Variants in CMIP observed in about 807,000 individuals in gnomAD.
CMIP encodes C-Maf-inducing protein.
CMIP carries 13 observed loss-of-function variants against 97.3 expected under a neutral mutation model. The observed-to-expected ratio is 0.13, with a 90% CI of 0.09 to 0.21. CMIP has a LOEUF of 0.21. Ranked by LOEUF, CMIP falls within the 10% of genes least tolerant of loss-of-function variation. The probability of loss-of-function intolerance (pLI) is 1.00; values close to 1 mark genes in which losing one functional copy is unlikely to be tolerated. For synonymous variants in CMIP, 538 were observed against 436.3 expected (o/e 1.23, Z -2.91); for missense variants, 847 against 1,024.9 (o/e 0.83, Z 2.37).
At chr16:81,610,374 C>A (rs1000704831) in intron 2 of CMIP, 1 of 985,474 alleles carries the variant, frequency 1.0e-6, no homozygotes, top group Non-Finnish European at 1.2e-6. Context: ...CTCACTGCCC[C>A]CTGATCCCGT....
Position 81,445,311 on chromosome 16 carries a change from G to C in CMIP, c.70G>C (p.Gly24Arg), listed in dbSNP as rs915880362. 4 of 1,572,700 alleles carry C rather than the reference G, an allele frequency of 2.5e-6. No homozygotes were observed. The highest frequency in any genetic ancestry group is 1.9e-5 in the Admixed American group (1 of 53,426). The change falls in exon 1 of 21, where the codon GGG becomes CGG. Residue 24 changes from glycine (G) to arginine (R), a missense_variant. By Grantham distance (125) the Gly-to-Arg change is moderately radical. Coordinates refer to ENST00000537098, the MANE Select transcript of CMIP (RefSeq NM_198390.3). ...GATCGAGGAGACCAAGCCGCTGCTG[G>C]GGGGCGACGTGTCGGCCCCCGAAGG... is the stretch of plus-strand genomic sequence containing the variant. The part of the protein sequence containing the change: ...RQIEETKPLL[G>R]GDVSAPEGTK...
chr16:81,491,209 AT>A (rs2089400546), intron 1 of CMIP, among the ~76,000 whole-genome samples: 1 of 152,016 alleles, frequency 6.6e-6, no homozygotes. Context: ...AGCTCCAGAG[AT>A]GTCTAGGGGG....
chr16:81,558,023 C>A (rs990557142), intron 1 of CMIP, among the ~76,000 whole-genome samples: 3 of 152,174 alleles, frequency 2.0e-5, no homozygotes, highest in African/African-American at 7.2e-5. Context: ...CTAAGTACTT[C>A]TTGTAAATGC....
At position 81,678,302 on chromosome 16, in the gene CMIP, A is replaced by G; in HGVS notation, c.1062A>G (p.Glu354=). The G allele has an allele frequency of 2.5e-6, 4 of 1,605,468 alleles. No individual in the cohort carries two copies. The highest frequency in any genetic ancestry group is 3.4e-6 in the Non-Finnish European group (4 of 1,176,076). ...GCGACAATTCCCCAAGCCTGAAGGA[A>G]ATCCGGAACGGCTGCCAGCAGCCGT... The part of the protein sequence containing the change: ...NSRDNSPSLK[E]IRNGCQQPCD... Residue 354 remains glutamate, a synonymous_variant, in exon 10 of 21, where the codon GAA becomes GAG. Transcript: ENST00000537098.
intron 6 of CMIP, 52 bp downstream of exon 6, chr16:81,660,998 T>C: frequency 2.5e-6 from 4 of 1,608,746 alleles, no homozygotes; most frequent in Non-Finnish European, 3.4e-6. Context: ...CCTCCCTCTG[T>C]GCGCATACCA....
intron 1 of CMIP, among the ~76,000 whole-genome samples, chr16:81,469,099 G>T (rs767125776): frequency 6.6e-6 from 1 of 152,262 alleles, no homozygotes; most frequent in African/African-American, 2.4e-5. Context: ...GATCAGGAGT[G>T]TGGGGCCCAG....
chr16:81,693,318 T>C, intron 12 of CMIP, 121 bp from the exon 13 acceptor site: 1 of 1,430,094 alleles, frequency 7.0e-7, no homozygotes, highest in Non-Finnish European at 9.7e-7. Flanking sequence ...CACGTGTCCC[T>C]GATCCACCGC....
intron 3 of CMIP, among the ~76,000 whole-genome samples, chr16:81,642,278 C>T (rs978336842): frequency 6.6e-6 from 1 of 152,158 alleles, no homozygotes; most frequent in Non-Finnish European, 1.5e-5. Context: ...TGTGCAGGGG[C>T]TGGTTTGTCT....
rs1908653191 is a variant in CMIP, at chr16:81,710,558, C to T, written c.*759C>T. Reference sequence around the variant, plus strand: ...AAAGAAGAAAAAAAAAAAGAACCTCCTTGGAAAAATTAATTGCTTTTTCGT... The same window carrying T: ...AAAGAAGAAAAAAAAAAAGAACCTCTTTGGAAAAATTAATTGCTTTTTCGT... On this transcript the variant is annotated 3_prime_UTR_variant, in exon 21 of 21. Coordinates refer to ENST00000537098, the MANE Select transcript of CMIP (RefSeq NM_198390.3). The T allele has an allele frequency of 6.6e-6, 1 of 152,104 alleles. No individual in the cohort carries two copies. Among genetic ancestry groups the T allele is most frequent in the South Asian group, 2.1e-4 (1 of 4,798 alleles). 9.4% of individuals were successfully genotyped at this position (152,104 alleles called of 1,614,324 possible).
chr16:81,643,755 GC>G (rs2092332773), intron 3 of CMIP, among the ~76,000 whole-genome samples: 1 of 152,182 alleles, frequency 6.6e-6, no homozygotes, highest in Non-Finnish European at 1.5e-5. Flanking sequence ...TCATGCCACT[GC>G]CTGGGTGACA....
intron 1 of CMIP, among the ~76,000 whole-genome samples, chr16:81,492,552 G>A (rs1174114220): frequency 1.3e-5 from 2 of 152,148 alleles, no homozygotes; most frequent in Non-Finnish European, 2.9e-5. Context: ...GGGAGCGAGT[G>A]TGCTGGCCGG....
intron 20 of CMIP, 75 bp from the exon 21 acceptor site, chr16:81,709,671 G>A (rs1272503268): frequency 1.4e-5 from 22 of 1,546,400 alleles, no homozygotes; most frequent in Admixed American, 6.9e-5. Flanking sequence ...CCGGCAATGC[G>A]GGTGGAGCCA....
At position 81,598,968 on chromosome 16, in the gene CMIP, CAAAAAA is replaced by C. The variant is rs141717317; in HGVS notation, c.301-8582_301-8577del. Among the ~76,000 whole-genome samples, 12 of 49,854 alleles carry C rather than the reference CAAAAAA, an allele frequency of 2.4e-4. 1 individual carries two copies. The highest frequency in any genetic ancestry group is 6.4e-4 in the African/African-American group (8 of 12,514). The allele number at this position is 49,854 out of a possible 152,430, so 32.7% of individuals were successfully genotyped here. ...TGAGTGACAGAGCAAGACTCTGTCT[CAAAAAA>C]AAAAAAAAAAAAAAAAGAGTAGTAA... On this transcript the variant is annotated intron_variant, in intron 1 of 20. Coordinates refer to ENST00000537098, the MANE Select transcript of CMIP (RefSeq NM_198390.3).
chr16:81,542,874 G>A (rs2090474475), intron 1 of CMIP, among the ~76,000 whole-genome samples: 1 of 152,200 alleles, frequency 6.6e-6, no homozygotes, highest in South Asian at 2.1e-4. Flanking sequence ...TTTCCGGGAG[G>A]CACAAACATA....
intron 3 of CMIP, among the ~76,000 whole-genome samples, chr16:81,634,051 A>C (rs577145450): frequency 6.6e-6 from 1 of 152,330 alleles, no homozygotes; most frequent in African/African-American, 2.4e-5. Context: ...AAGTCCCAAG[A>C]CTAGCAGTAT....
chr16:81,556,605 C>G (rs570809707), intron 1 of CMIP, among the ~76,000 whole-genome samples: 1 of 152,180 alleles, frequency 6.6e-6, no homozygotes, highest in South Asian at 2.1e-4. Context: ...GGAAGGGGAG[C>G]CGGGAGTTGG....
intron 1 of CMIP, among the ~76,000 whole-genome samples, chr16:81,598,183 G>A (rs938646818): frequency 6.6e-6 from 1 of 152,020 alleles, no homozygotes; most frequent in Non-Finnish European, 1.5e-5. Flanking sequence ...GGAGGGTATC[G>A]CCTACAACAG....
In CMIP at chr16:81,699,385, T is replaced by G. The variant is rs944032618; in HGVS notation, c.1639-300T>G. Reference sequence around the variant, plus strand: ...GATACCCTTGCTGAGCTGGGGCTTATAGTTAAATCAGGTACTACTAAAAGG... The same window carrying G: ...GATACCCTTGCTGAGCTGGGGCTTAGAGTTAAATCAGGTACTACTAAAAGG... On this transcript the variant is annotated intron_variant, in intron 14 of 20. Coordinates refer to ENST00000537098, the MANE Select transcript of CMIP (RefSeq NM_198390.3). Among the ~76,000 whole-genome samples the G allele has an allele frequency of 2.6e-5, 4 of 152,260 alleles. No homozygotes were observed. In the East Asian group the frequency reaches 5.8e-4, roughly 22 times the overall value.
In CMIP at chr16:81,657,835, C is replaced by A; in HGVS notation, c.681+19C>A. On this transcript the variant is annotated intron_variant, in intron 5 of 20. Transcript: ENST00000537098. ...CATTGTGGTAAGTTCCTCTCGAACA[C>A]GCTCCCTCCACCCACCTCCGCCTCC... The A allele has an allele frequency of 6.3e-7, 1 of 1,595,612 alleles. No homozygotes were observed. The highest frequency in any genetic ancestry group is 8.5e-7 in the Non-Finnish European group (1 of 1,170,240).
Sources: allele counts gnomAD v4.1 joint callset (sites outside exome capture counted in the v4.1 genomes callset), GRCh38; gene constraint gnomAD v4.1.1; transcripts MANE v1.5; gene names NCBI Gene and HGNC (gene_info 2026-07-23, HGNC 2026-07-21).